ITPA: variants seen among roughly 807,000 people sequenced by gnomAD.
ITPA encodes inosine triphosphatase.
In ITPA, 29 loss-of-function variants were observed where a neutral mutation model predicts 29.6. That is an observed-to-expected ratio of 0.98 (90% CI 0.73 to 1.34). ITPA has a LOEUF of 1.34. Ranked by LOEUF, ITPA falls within the 40% of genes most tolerant of loss-of-function variation. The pLI is 0.00. For synonymous variants in ITPA, 103 were observed against 99.3 expected (o/e 1.04, Z -0.22); for missense variants, 241 against 251.5 (o/e 0.96, Z 0.28).
intron 7 of ITPA, among the ~76,000 whole-genome samples, chr20:3,223,156 G>C (rs1419340311): frequency 1.3e-5 from 2 of 152,186 alleles, no homozygotes; most frequent in African/African-American, 4.8e-5. Flanking sequence ...ACCCCTCCAT[G>C]CTCATTCATG....
At chr20:3,212,571 T>A (rs185561619) in intron 1 of ITPA, among the ~76,000 whole-genome samples, 3 of 152,206 alleles carry the variant, frequency 2.0e-5, no homozygotes, top group Non-Finnish European at 4.4e-5. Flanking sequence ...TCTGCCCACC[T>A]TGGCCTCCAA....
intron 6 of ITPA, 70 bp downstream of exon 6, chr20:3,218,702 C>T: frequency 8.1e-7 from 1 of 1,228,972 alleles, no homozygotes; most frequent in Non-Finnish European, 1.2e-6. Flanking sequence ...GCCGACCGCC[C>T]CGAGTCTGCG....
At chr20:3,215,090 C>A in intron 4 of ITPA, 191 bp from the exon 5 acceptor site, 2 of 612,636 alleles carry the variant, frequency 3.3e-6, no homozygotes. Context: ...TTTTCTCAAA[C>A]TCCTGAGCTC....
In ITPA at chr20:3,223,455, C is replaced by G. The variant is rs924704772; in HGVS notation, c.578C>G (p.Ala193Gly). ...LELQEYFGSL[A>G]A ...CTGCAGGAGTACTTTGGCAGTTTGGCAGCTTGACTTCTGCAGCTGGAGGAG... is the reference window on the plus strand; with the variant it reads ...CTGCAGGAGTACTTTGGCAGTTTGGGAGCTTGACTTCTGCAGCTGGAGGAG... The change falls in exon 8 of 8, where the codon GCA (alanine) becomes GGA (glycine). Residue 193 changes from alanine to glycine, a missense_variant. Physicochemically the swap from Ala to Gly is moderately conservative, Grantham distance 60 (BLOSUM62 0). Coordinates refer to ENST00000380113, the MANE Select transcript of ITPA (RefSeq NM_033453.4). The G allele has an allele frequency of 6.2e-7, 1 of 1,611,858 alleles. No homozygotes were observed. The highest frequency in any genetic ancestry group is 1.3e-5 in the African/African-American group (1 of 74,914).
chr20:3,215,250 G>C (rs1257857259), intron 4 of ITPA, 31 bp from the exon 5 acceptor site: 2 of 1,611,634 alleles, frequency 1.2e-6, no homozygotes, highest in Admixed American at 1.7e-5. Context: ...AGCTGCTCCT[G>C]GTGTCTGACT....
At chr20:3,207,271 T>C (rs2067078070), upstream of ITPA, among the ~76,000 whole-genome samples, 2 of 152,142 alleles carry the variant, frequency 1.3e-5, no homozygotes, top group Non-Finnish European at 2.9e-5. Context: ...TTGTATTTTT[T>C]GTAGAGACTG....
downstream of ITPA, among the ~76,000 whole-genome samples, chr20:3,226,546 G>A (rs553307690): frequency 6.6e-6 from 1 of 152,186 alleles, no homozygotes; most frequent in Admixed American, 6.5e-5. The surrounding 1 kb of genome is among the most constrained non-coding windows in gnomAD (Gnocchi z 4.4). Context: ...ATTACCAAGG[G>A]GTCTGAGCAC....
downstream of ITPA, among the ~76,000 whole-genome samples, chr20:3,225,250 CA>C (rs2067542683): frequency 6.6e-6 from 1 of 152,190 alleles, no homozygotes; most frequent in African/African-American, 2.4e-5. Flanking sequence ...TCCTAGCAAA[CA>C]ACTTTAAAAT....
intron 4 of ITPA, among the ~76,000 whole-genome samples, 154 bp downstream of exon 4, chr20:3,214,212 CCTTT>C (rs1274840066): frequency 6.6e-6 from 1 of 152,106 alleles, no homozygotes; most frequent in Non-Finnish European, 1.5e-5. Flanking sequence ...GAGAAGCATG[CCTTT>C]CTTTTGTAAA....
chr20:3,225,591 C>T (rs570095090), downstream of ITPA, among the ~76,000 whole-genome samples: 5 of 152,320 alleles, frequency 3.3e-5, 1 homozygote, highest in South Asian at 1.0e-3. Context: ...TTCCCCCACA[C>T]CTCGCCCCGT....
chr20:3,204,492 C>T (rs1600479902), upstream of ITPA: 1 of 1,530,806 alleles, frequency 6.5e-7, no homozygotes, highest in Non-Finnish European at 8.8e-7. Context: ...CTCAGAAGGC[C>T]AGAAAACCCG....
Position 3,214,363 on chromosome 20 carries a change from CTT to C in ITPA, c.263+324_263+325del, listed in dbSNP as rs57982806. Among the ~76,000 whole-genome samples the C allele has an allele frequency of 1.2e-3, 137 of 112,936 alleles. 2 individuals are homozygous for C. Among genetic ancestry groups the C allele is most frequent in the South Asian group, 2.4e-3 (7 of 2,950 alleles). The allele number at this position is 112,936 out of a possible 152,430, so 74.1% of individuals were successfully genotyped here. A position where few individuals can be genotyped will look rare whatever the true frequency, so the allele number is the denominator to read the frequency against. Reference sequence around the variant, plus strand: ...TAAAACTTGATTTCTTTCTTCCTTTCTTTTTTTTTTTTTTTTTTTTGATACAG... The same window carrying C: ...TAAAACTTGATTTCTTTCTTCCTTTCTTTTTTTTTTTTTTTTTTGATACAG... On this transcript the variant is annotated intron_variant, in intron 4 of 7. Transcript: ENST00000380113.
At chr20:3,218,660 G>C (rs759175840) in intron 6 of ITPA, 28 bp downstream of exon 6, 2 of 1,554,432 alleles carry the variant, frequency 1.3e-6, no homozygotes. Flanking sequence ...TGCAGTTCCC[G>C]CCGCGCGCCG....
upstream of ITPA, among the ~76,000 whole-genome samples, chr20:3,208,445 C>T (rs57534080): frequency 0.17 from 25,756 of 152,150 alleles, 2,790 homozygotes; most frequent in South Asian, 0.38. Flanking sequence ...GCACGATCTC[C>T]GCTCACTGCA....
intron 5 of ITPA, among the ~76,000 whole-genome samples, chr20:3,217,619 C>T (rs138991631): frequency 5.7e-4 from 86 of 152,090 alleles, no homozygotes; most frequent in African/African-American, 1.9e-3. Flanking sequence ...CAGGTGTAAG[C>T]CACCATGCCT....
At chr20:3,227,201 C>T (rs1007832847), downstream of ITPA, among the ~76,000 whole-genome samples, 11 of 152,240 alleles carry the variant, frequency 7.2e-5, no homozygotes, top group Admixed American at 1.3e-4. Context: ...GTTCCCAGAA[C>T]GCTTTCCCTG....
upstream of ITPA, among the ~76,000 whole-genome samples, chr20:3,207,335 C>T (rs367934759): frequency 3.3e-5 from 5 of 152,308 alleles, no homozygotes; most frequent in African/African-American, 7.2e-5. Context: ...AAGTGATCCA[C>T]TGTGCCCAAG....
At chr20:3,222,047 C>T in intron 7 of ITPA, 130 bp downstream of exon 7, 2 of 876,808 alleles carry the variant, frequency 2.3e-6, no homozygotes, top group East Asian at 2.6e-5. Flanking sequence ...CTGTTCCAGC[C>T]ACAGGCAGCT....
rs142689584 is a variant in ITPA at position 3,209,812 on chromosome 20, G to A, written c.66+195G>A. ...AGTGGCTGCAGAATCGGGGCGCCCC[G>A]GGGTTGGCGAGGGAACGAGGGTCTC... On this transcript the variant is annotated intron_variant, in intron 1 of 7. Transcript: ENST00000380113. The surrounding 1 kb of genome is among the most constrained non-coding windows in gnomAD (Gnocchi z 4.6). Among the ~76,000 whole-genome samples, 188 of 152,318 alleles carry A rather than the reference G, an allele frequency of 1.2e-3. 1 individual carries two copies. The highest frequency in any genetic ancestry group is 4.4e-3 in the African/African-American group (183 of 41,576).
Sources: gnomAD v4.1 joint callset for allele counts (sites outside exome capture counted in the v4.1 genomes callset) on GRCh38, gnomAD v4.1.1 for gene constraint, Gnocchi (gnomAD v3.1) non-coding constraint, MANE v1.5 for transcripts, NCBI Gene and HGNC (gene_info 2026-07-23, HGNC 2026-07-21) for gene names.